ERBB4: variants seen among roughly 807,000 people sequenced by gnomAD.
The protein encoded by ERBB4 is erb-b2 receptor tyrosine kinase 4.
A neutral mutation model predicts 158.0 loss-of-function variants in ERBB4; 42 were observed. That is an observed-to-expected ratio of 0.27 (90% CI 0.21 to 0.34). The LOEUF is 0.34. Among genes scored for constraint, ERBB4 ranks in the 10% least tolerant of loss-of-function variants. The pLI is 1.00. For missense variants in ERBB4, 1,333 were observed against 1,624.1 expected (o/e 0.82, Z 3.08); for synonymous variants, 583 against 558.7 (o/e 1.04, Z -0.61).
intron 1 of ERBB4, among the ~76,000 whole-genome samples, chr2:212,177,710 G>A (rs1211994792): frequency 6.6e-6 from 1 of 151,830 alleles, no homozygotes; most frequent in African/African-American, 2.4e-5. Context: ...TGGATGTGAG[G>A]GAGACAGTTG....
intron 4 of ERBB4, among the ~76,000 whole-genome samples, 193 bp downstream of exon 4, chr2:211,787,832 G>A (rs1255915245): frequency 6.6e-6 from 1 of 152,090 alleles, no homozygotes; most frequent in Non-Finnish European, 1.5e-5. Flanking sequence ...TTGTGAAGAG[G>A]AAACATGATT....
chr2:212,249,238 C>A (rs998862598), intron 1 of ERBB4, among the ~76,000 whole-genome samples: 4 of 151,778 alleles, frequency 2.6e-5, no homozygotes, highest in Non-Finnish European at 5.9e-5. Context: ...AAGGAAGGTA[C>A]AAATCTCCCA....
intron 3 of ERBB4, among the ~76,000 whole-genome samples, chr2:211,925,116 T>C (rs1293482474): frequency 6.6e-6 from 1 of 152,158 alleles, no homozygotes; most frequent in Non-Finnish European, 1.5e-5. Flanking sequence ...AGAAATACTA[T>C]AGTTGGAGAC....
chr2:212,124,716 C>A (rs780042797), intron 2 of ERBB4, 36 bp downstream of exon 2: 2 of 1,612,024 alleles, frequency 1.2e-6, no homozygotes, highest in Non-Finnish European at 1.7e-6. Context: ...CGCCACTGTC[C>A]ATTCACAAAG....
At chr2:211,513,602 A>G (rs1437206899) in intron 20 of ERBB4, among the ~76,000 whole-genome samples, 1 of 151,986 alleles carries the variant, frequency 6.6e-6, no homozygotes, top group African/African-American at 2.4e-5. Flanking sequence ...AAGCTTGGGG[A>G]TAGGGAAGAG....
rs542711770 is a variant in ERBB4 at position 211,888,900 on chromosome 2, G to A, written c.421+58530C>T. ...CCACACCTGGCTCGGAGGGTCCTAC[G>A]CCCACGGAGTCTCACTGATTGCTAG... is the stretch of plus-strand genomic sequence containing the variant. On this transcript the variant is annotated intron_variant, in intron 3 of 27. Coordinates refer to ENST00000342788, the MANE Select transcript of ERBB4 (RefSeq NM_005235.3). Among the ~76,000 whole-genome samples the A allele has an allele frequency of 9.2e-5, 14 of 151,758 alleles. No homozygotes were observed. In the East Asian group the frequency reaches 1.2e-3, roughly 13 times the overall value.
intron 2 of ERBB4, among the ~76,000 whole-genome samples, chr2:212,030,923 G>C (rs529250751): frequency 2.0e-4 from 31 of 152,176 alleles, no homozygotes; most frequent in South Asian, 8.3e-4. Flanking sequence ...GTGCAAATGA[G>C]AGTATGTATC....
At chr2:212,013,547 G>A (rs1387388737) in intron 2 of ERBB4, among the ~76,000 whole-genome samples, 3 of 152,144 alleles carry the variant, frequency 2.0e-5, no homozygotes, top group Non-Finnish European at 4.4e-5. Flanking sequence ...ATTAAGATAA[G>A]GTTACAGAGG....
chr2:211,638,492 G>T (rs538525493), intron 16 of ERBB4, among the ~76,000 whole-genome samples: 1 of 152,156 alleles, frequency 6.6e-6, no homozygotes, highest in East Asian at 1.9e-4. Flanking sequence ...TACAGTTTTT[G>T]GTTGACGAGA....
chr2:211,657,710 A>G (rs1401897279), intron 16 of ERBB4, 44 bp downstream of exon 16: 1 of 1,430,646 alleles, frequency 7.0e-7, no homozygotes, highest in Non-Finnish European at 9.9e-7. Flanking sequence ...CATGATAACT[A>G]GGAAAGGATT....
At position 211,913,547 on chromosome 2, in the gene ERBB4, G is replaced by A. The variant is rs574648941; in HGVS notation, c.421+33883C>T. On this transcript the variant is annotated intron_variant, in intron 3 of 27. Coordinates refer to ENST00000342788, the MANE Select transcript of ERBB4 (RefSeq NM_005235.3). ...ACTCGGGAGGTGGAGGTTGCAGTGA[G>A]CCAAGACCATGGCACTGCACTCCAG... Among the ~76,000 whole-genome samples the A allele has an allele frequency of 9.9e-5, 15 of 152,002 alleles. 1 individual carries two copies. The South Asian group carries it at 3.1e-3, about 32-fold the overall frequency.
In ERBB4 at chr2:211,732,627, C is replaced by T. The variant is rs568346784; in HGVS notation, c.623-7433G>A. Reference sequence around the variant, plus strand: ...CTGGAAAACATAGCAAATAGCTGTACAGTCGCTACTGAAATTGACATTCAG... The same window carrying T: ...CTGGAAAACATAGCAAATAGCTGTATAGTCGCTACTGAAATTGACATTCAG... On this transcript the variant is annotated intron_variant, in intron 5 of 27. Transcript: ENST00000342788. Among the ~76,000 whole-genome samples the T allele has an allele frequency of 9.2e-5, 14 of 152,226 alleles. No individual in the cohort carries two copies. The South Asian group carries it at 2.9e-3, about 32-fold the overall frequency.
At chr2:211,869,327 C>G (rs1490780479) in intron 3 of ERBB4, among the ~76,000 whole-genome samples, 1 of 152,220 alleles carries the variant, frequency 6.6e-6, no homozygotes, top group Non-Finnish European at 1.5e-5. Flanking sequence ...TGTCATCTCC[C>G]TGAGTCTGCT....
intron 23 of ERBB4, 29 bp from the exon 24 acceptor site, chr2:211,422,133 T>C (rs2063526023): frequency 2.2e-6 from 3 of 1,375,996 alleles, no homozygotes; most frequent in African/African-American, 2.8e-5. Flanking sequence ...AAAATGTCAC[T>C]ATATTCGTAA....
chr2:211,486,809 C>A (rs1339625617), intron 20 of ERBB4, among the ~76,000 whole-genome samples: 1 of 151,956 alleles, frequency 6.6e-6, no homozygotes, highest in African/African-American at 2.4e-5. Flanking sequence ...ATGTGAAGTG[C>A]TCACTACAAG....
chr2:211,890,113 C>G (rs1478392312), intron 3 of ERBB4, among the ~76,000 whole-genome samples: 1 of 83,298 alleles, frequency 1.2e-5, no homozygotes, highest in Non-Finnish European at 2.4e-5. Context: ...TCAGATTCAC[C>G]AAAGTTGAAA....
intron 3 of ERBB4, among the ~76,000 whole-genome samples, chr2:211,871,890 G>C (rs940195348): frequency 6.6e-6 from 1 of 152,118 alleles, no homozygotes; most frequent in Non-Finnish European, 1.5e-5. Context: ...AATGTATGGA[G>C]AGAGAGGGAG....
chr2:212,412,715 T>C (rs2091533278), intron 1 of ERBB4, among the ~76,000 whole-genome samples: 1 of 152,238 alleles, frequency 6.6e-6, no homozygotes, highest in African/African-American at 2.4e-5. Flanking sequence ...GAATTTCCTG[T>C]TGTCTTTAGA....
At chr2:212,449,705 T>C (rs575988710) in intron 1 of ERBB4, among the ~76,000 whole-genome samples, 6 of 152,136 alleles carry the variant, frequency 3.9e-5, no homozygotes, top group Non-Finnish European at 8.8e-5. Flanking sequence ...GCAAAAAGTA[T>C]CAAATTCTGT....
Sources: gnomAD v4.1 joint callset for allele counts (sites outside exome capture counted in the v4.1 genomes callset) on GRCh38, gnomAD v4.1.1 for gene constraint, MANE v1.5 for transcripts, NCBI Gene and HGNC (gene_info 2026-07-23, HGNC 2026-07-21) for gene names.